Variants in CABLES1 observed in about 807,000 individuals in gnomAD.
The protein encoded by CABLES1 is Cdk5 and Abl enzyme substrate 1.
CABLES1 carries 36 observed loss-of-function variants against 57.8 expected under a neutral mutation model. That is an observed-to-expected ratio of 0.62 (90% confidence interval 0.48 to 0.82). The LOEUF is 0.82. CABLES1 is among the 40% of genes least tolerant of loss of function. The pLI, the probability that CABLES1 is intolerant of heterozygous loss-of-function variation, is 0.00. For synonymous variants in CABLES1, 374 were observed against 363.0 expected (o/e 1.03, Z -0.35); for missense variants, 767 against 836.6 (o/e 0.92, Z 1.03).
intron 4 of CABLES1, among the ~76,000 whole-genome samples, chr18:23,233,117 T>C (rs17202430): frequency 0.015 from 2,337 of 152,236 alleles, 19 homozygotes; most frequent in South Asian, 0.059. Context: ...TGTCAGAACA[T>C]GAAGACCTGG....
chr18:23,197,704 G>T (rs2047294672), intron 3 of CABLES1: 1 of 152,178 alleles, frequency 6.6e-6, no homozygotes, highest in African/African-American at 2.4e-5. Context: ...AGCCATGAGG[G>T]ATGCTGCTCT....
At chr18:23,227,341 C>T (rs1242805533) in intron 4 of CABLES1, among the ~76,000 whole-genome samples, 2 of 152,200 alleles carry the variant, frequency 1.3e-5, no homozygotes, top group Admixed American at 1.3e-4. Flanking sequence ...TATTCCCACA[C>T]AGAGACAGAT....
intron 1 of CABLES1, among the ~76,000 whole-genome samples, chr18:23,150,258 G>C (rs1228891555): frequency 7.9e-6 from 1 of 126,614 alleles, no homozygotes; most frequent in Non-Finnish European, 1.5e-5. Context: ...ACCCTGGCTG[G>C]AGTGCAGTGG....
chr18:23,246,404 T>G (rs930531264), intron 7 of CABLES1, among the ~76,000 whole-genome samples: 18 of 152,154 alleles, frequency 1.2e-4, no homozygotes, highest in Non-Finnish European at 2.1e-4. Context: ...TTTTGGTTTT[T>G]TTTTTGAGAC....
Position 23,234,645 on chromosome 18 carries a change from G to T in CABLES1, c.1126G>T (p.Ala376Ser). 1 of 1,613,934 alleles carries T rather than the reference G, an allele frequency of 6.2e-7. No homozygotes were observed. The highest frequency in any genetic ancestry group is 1.1e-5 in the South Asian group (1 of 91,072). Reference protein sequence around the residue: ...KLDGGRQSTGAVSLKEIIGLE... With the variant: ...KLDGGRQSTGSVSLKEIIGLE... The stretch of plus-strand genomic sequence containing the variant: ...GGACGGAGGAAGACAATCAACTGGT[G>T]CAGTGAGTTTGAAAGAGATCATTGG... The change falls in exon 5 of 10, where the codon GCA becomes TCA. Residue 376 changes from alanine to serine, a missense_variant. Around this residue, in one of 4 missense-constraint regions of CABLES1, gnomAD observed 529 missense variants for 622.8 expected, o/e 0.85. Coordinates refer to ENST00000256925, the MANE Select transcript of CABLES1 (RefSeq NM_001100619.3).
chr18:23,139,938 G>A (rs59502118), intron 1 of CABLES1, among the ~76,000 whole-genome samples: 2,982 of 152,266 alleles, frequency 0.02, 116 homozygotes, highest in African/African-American at 0.068. Flanking sequence ...CACCCCATTT[G>A]TTATCCTCCC....
Position 23,145,207 on chromosome 18 carries a change from G to T in CABLES1, c.845+8600G>T, listed in dbSNP as rs550930080. Among the ~76,000 whole-genome samples the T allele has an allele frequency of 2.0e-5, 3 of 152,232 alleles. No individual in the cohort carries two copies. The East Asian group carries it at 5.8e-4, about 29-fold the overall frequency. ...CTGCTTTGGCCTTCCAAAGTGCTGG[G>T]ATTACAGGCATGAGCCACCGTGCCT... On this transcript the variant is annotated intron_variant, in intron 1 of 9. Coordinates refer to ENST00000256925, the MANE Select transcript of CABLES1 (RefSeq NM_001100619.3).
chr18:23,248,643 C>T (rs144942570), intron 7 of CABLES1, among the ~76,000 whole-genome samples: 2,072 of 149,264 alleles, frequency 0.014, 39 homozygotes, highest in East Asian at 0.078. Context: ...GCCTGACCAA[C>T]ATGGTGAAAC....
At chr18:23,256,880 T>C (rs1010981352) in intron 9 of CABLES1, among the ~76,000 whole-genome samples, 50 of 152,268 alleles carry the variant, frequency 3.3e-4, no homozygotes, top group Admixed American at 3.3e-4. Context: ...TGCAATTGGC[T>C]ACACATGTGA....
At chr18:23,178,115 A>G (rs1016867832) in intron 1 of CABLES1, among the ~76,000 whole-genome samples, 26 of 150,740 alleles carry the variant, frequency 1.7e-4, no homozygotes, top group African/African-American at 6.3e-4. Flanking sequence ...CTGGGCCCCC[A>G]CTTTTCTTCC....
rs571018029 is a variant in CABLES1 at position 23,193,348 on chromosome 18, C to T, written c.918-1100C>T. On this transcript the variant is annotated intron_variant, in intron 2 of 9. Transcript: ENST00000256925. ...CTGGGATTACAGGCACCTGCCACCG[C>T]GCCAGGCTGATTTTTGTATTTTTAG... is the stretch of plus-strand genomic sequence containing the variant. 2.8e-4 allele frequency among the ~76,000 whole-genome samples: 43 copies of T among 152,236 alleles called. 1 individual carries two copies. In the South Asian group the frequency reaches 5.2e-3, roughly 18 times the overall value.
intron 1 of CABLES1, among the ~76,000 whole-genome samples, chr18:23,181,496 CAAAAAA>C (rs59742943): frequency 0.019 from 669 of 35,358 alleles, 3 homozygotes; most frequent in African/African-American, 0.063. Context: ...AGCTTCGTCT[CAAAAAA>C]AAAAAAAAAA....
rs1335620883 is a variant in CABLES1, at chr18:23,175,722, A to G, written c.846-13116A>G. On this transcript the variant is annotated intron_variant, in intron 1 of 9. Transcript: ENST00000256925. ...CCTTGGCTTCCCAAAGTCTCAGAAT[A>G]TAGGCATGAGCCACTGCTACTGGTC... 2.0e-5 allele frequency among the ~76,000 whole-genome samples: 3 copies of G among 152,226 alleles called. No homozygotes were observed. The East Asian group carries it at 5.8e-4, about 29-fold the overall frequency.
chr18:23,237,905 G>A (rs1206773749), intron 7 of CABLES1, among the ~76,000 whole-genome samples: 3 of 151,282 alleles, frequency 2.0e-5, no homozygotes, highest in South Asian at 4.2e-4. Context: ...TGACTCTTGC[G>A]GCAAGCAGAG....
At chr18:23,191,080 CAAAAAAAAAA>C (rs10636287) in intron 2 of CABLES1, among the ~76,000 whole-genome samples, 1 of 63,588 alleles carries the variant, frequency 1.6e-5, no homozygotes, top group Non-Finnish European at 3.6e-5. Context: ...CCCATCTCTA[CAAAAAAAAAA>C]AAAAAAAAAA....
chr18:23,174,193 A>G (rs2047103897), intron 1 of CABLES1, among the ~76,000 whole-genome samples: 2 of 152,102 alleles, frequency 1.3e-5, no homozygotes, highest in African/African-American at 4.8e-5. Context: ...CATTTCATAT[A>G]AGTAGAATCA....
intron 1 of CABLES1, among the ~76,000 whole-genome samples, chr18:23,177,004 A>G (rs1226708580): frequency 4.6e-5 from 7 of 152,024 alleles, no homozygotes; most frequent in African/African-American, 1.4e-4. Context: ...TTCTCTCCTG[A>G]CTGTGGAGGA....
At chr18:23,247,125 C>G (rs1206054610) in intron 7 of CABLES1, among the ~76,000 whole-genome samples, 3 of 152,242 alleles carry the variant, frequency 2.0e-5, no homozygotes, top group African/African-American at 7.2e-5. Flanking sequence ...GCTCAATCTC[C>G]TAGTACAGCC....
At chr18:23,148,412 C>T (rs959870698) in intron 1 of CABLES1, among the ~76,000 whole-genome samples, 4 of 152,142 alleles carry the variant, frequency 2.6e-5, no homozygotes, top group African/African-American at 7.2e-5. Flanking sequence ...CTTTCAGCCC[C>T]GTTTCCCCTC....
Sources: allele counts gnomAD v4.1 joint callset (sites outside exome capture counted in the v4.1 genomes callset), GRCh38; gene constraint gnomAD v4.1.1; regional missense constraint gnomAD v4.1.1; transcripts MANE v1.5; gene names NCBI Gene and HGNC (gene_info 2026-07-23, HGNC 2026-07-21).